WDR25: variants seen among roughly 807,000 people sequenced by gnomAD.
The protein encoded by WDR25 is WD repeat-containing protein 25.
In WDR25, 35 loss-of-function variants were observed where a neutral mutation model predicts 47.7. That is an observed-to-expected ratio of 0.73 (90% CI 0.56 to 0.97). The LOEUF (loss-of-function observed/expected upper bound fraction) is 0.97, where lower values mean the gene tolerates loss of function less well. Among genes scored for constraint, WDR25 ranks in the 50% least tolerant of loss-of-function variants. WDR25 has a pLI of 0.00. For synonymous variants in WDR25, 248 were observed against 278.9 expected (o/e 0.89, Z 1.10); for missense variants, 634 against 704.7 (o/e 0.90, Z 1.14).
At chr14:100,461,906 T>G (rs1045720764) in intron 2 of WDR25, among the ~76,000 whole-genome samples, 2 of 432 alleles carry the variant, frequency 4.6e-3, no homozygotes, top group Middle Eastern at 0.5. Flanking sequence ...ATTTTTCTGT[T>G]TTTTTTTGTT....
chr14:100,483,952 C>G, intron 3 of WDR25, 42 bp from the exon 4 acceptor site: 2 of 1,579,626 alleles, frequency 1.3e-6, no homozygotes, highest in South Asian at 2.4e-5. Flanking sequence ...TGTTTTGTGA[C>G]CTAAGTACTT....
intron 2 of WDR25, among the ~76,000 whole-genome samples, chr14:100,401,991 A>C (rs1229825601): frequency 6.6e-6 from 1 of 152,236 alleles, no homozygotes; most frequent in East Asian, 1.9e-4. Flanking sequence ...AAGTGCTGCA[A>C]AGCACTTTTG....
chr14:100,515,116 G>A (rs898165360), intron 4 of WDR25, among the ~76,000 whole-genome samples: 1 of 151,984 alleles, frequency 6.6e-6, no homozygotes, highest in Non-Finnish European at 1.5e-5. Flanking sequence ...TCTTTTCTCT[G>A]TCTGCTTTTT....
At position 100,449,982 on chromosome 14, in the gene WDR25, C is replaced by T. The variant is rs747471639; in HGVS notation, c.823-18039C>T. Among the ~76,000 whole-genome samples the T allele has an allele frequency of 2.6e-4, 40 of 152,202 alleles. No homozygotes were observed. The highest frequency in any genetic ancestry group is 2.6e-4 in the Non-Finnish European group (18 of 68,034). Reference sequence around the variant, plus strand: ...TCTTCTCTAAACTGGGCATTCAGTGCGTCCACAGTCCGGCGGCCCAGGCCT... The same window carrying T: ...TCTTCTCTAAACTGGGCATTCAGTGTGTCCACAGTCCGGCGGCCCAGGCCT... On this transcript the variant is annotated intron_variant, in intron 2 of 6. Transcript: ENST00000402312. This position sits in a 1 kb window ranked among gnomAD's most constrained non-coding sequence, Gnocchi z 4.2.
chr14:100,418,787 C>T (rs1897946711), intron 2 of WDR25, among the ~76,000 whole-genome samples: 1 of 152,052 alleles, frequency 6.6e-6, no homozygotes, highest in South Asian at 2.1e-4. Context: ...CCTACTCACG[C>T]CACACCTACT....
At chr14:100,400,404 A>G (rs1402585123) in intron 2 of WDR25, among the ~76,000 whole-genome samples, 2 of 152,224 alleles carry the variant, frequency 1.3e-5, no homozygotes, top group East Asian at 3.8e-4. Flanking sequence ...GGTTTGACTC[A>G]GGCCCAGCTT....
In WDR25 at chr14:100,411,554, C is replaced by T. The variant is rs558425846; in HGVS notation, c.822+29808C>T. Among the ~76,000 whole-genome samples, 16 of 143,288 alleles carry T rather than the reference C, an allele frequency of 1.1e-4. No individual in the cohort carries two copies. The South Asian group carries it at 1.1e-3, about 10-fold the overall frequency. The allele number at this position is 143,288 out of a possible 152,430, so 94.0% of individuals were successfully genotyped here. The stretch of plus-strand genomic sequence containing the variant: ...GCTTTTTGCTTTTTTTTTTTTTTCT[C>T]GAGATAGAGTCTTGCTCTGTCACCC... On this transcript the variant is annotated intron_variant, in intron 2 of 6. Coordinates refer to ENST00000402312, the MANE Select transcript of WDR25 (RefSeq NM_001161476.3).
intron 3 of WDR25, among the ~76,000 whole-genome samples, chr14:100,473,880 A>T (rs897540911): frequency 6.6e-6 from 1 of 152,154 alleles, no homozygotes; most frequent in Non-Finnish European, 1.5e-5. Context: ...GTAGCTTAGG[A>T]GGACTTGATT....
rs1898627928 is a variant in WDR25 at position 100,440,263 on chromosome 14, G to T, written c.823-27758G>T. ...GAGTGTTTTCCTCTTGGATGCGTTT[G>T]CACCTGGCAAATGAATGTGCAGGAA... On this transcript the variant is annotated intron_variant, in intron 2 of 6. Transcript: ENST00000402312. The surrounding 1 kb of genome is among the most constrained non-coding windows in gnomAD (Gnocchi z 4.4). Among the ~76,000 whole-genome samples the T allele has an allele frequency of 6.6e-6, 1 of 152,172 alleles. No individual in the cohort carries two copies.
In WDR25 at chr14:100,424,255, G is replaced by A. The variant is rs749286696; in HGVS notation, c.822+42509G>A. ...GGAGCTGAGTTTCAGAGCCTGTGGC[G>A]TTTTCACACCATGTTCTAGGTGCCA... On this transcript the variant is annotated intron_variant, in intron 2 of 6. Coordinates refer to ENST00000402312, the MANE Select transcript of WDR25 (RefSeq NM_001161476.3). The surrounding 1 kb of genome is among the most constrained non-coding windows in gnomAD (Gnocchi z 4.2). Among the ~76,000 whole-genome samples the A allele has an allele frequency of 1.3e-4, 20 of 152,214 alleles. No individual in the cohort carries two copies. The highest frequency in any genetic ancestry group is 1.3e-4 in the Admixed American group (2 of 15,278).
rs147626247 is a variant in WDR25, at chr14:100,529,982, G to A, written c.1576G>A (p.Val526Met). ...QACVGTTYHP[V>M]LPSVLATCSW... ...CTGTGTCGGCACCACCTATCACCCCGTGCTGCCCTCCGTCCTCGCCACCTG... is the reference window on the plus strand; with the variant it reads ...CTGTGTCGGCACCACCTATCACCCCATGCTGCCCTCCGTCCTCGCCACCTG... The change falls in exon 7 of 7, where the codon GTG (valine) becomes ATG (methionine). Residue 526 changes from valine (V) to methionine (M), a missense_variant. Physicochemically the swap from Val to Met is conservative, Grantham distance 21 (BLOSUM62 1). Transcript: ENST00000402312. This position sits in a 1 kb window ranked among gnomAD's most constrained non-coding sequence, Gnocchi z 5.1. 12 of 1,613,296 alleles carry A rather than the reference G, an allele frequency of 7.4e-6. No homozygotes were observed. The highest frequency in any genetic ancestry group is 5.3e-5 in the African/African-American group (4 of 74,930).
chr14:100,393,326 AAC>A, intron 2 of WDR25, among the ~76,000 whole-genome samples: 1 of 152,356 alleles, frequency 6.6e-6, no homozygotes, highest in Middle Eastern at 3.4e-3. Flanking sequence ...AAGGTACAAA[AAC>A]ACAAATTAAA....
rs1263221155 is a variant in WDR25, at chr14:100,440,328, G to A, written c.823-27693G>A. Among the ~76,000 whole-genome samples, 1 of 152,278 alleles carries A rather than the reference G, an allele frequency of 6.6e-6. No individual in the cohort carries two copies. The highest frequency in any genetic ancestry group is 1.5e-5 in the Non-Finnish European group (1 of 68,050). On this transcript the variant is annotated intron_variant, in intron 2 of 6. Transcript: ENST00000402312. This position sits in a 1 kb window ranked among gnomAD's most constrained non-coding sequence, Gnocchi z 4.4. ...AATAGCTACTCTCAAAATGCAGACAGGCAGCCACAGTCAGGGAGCCCTTCG... is the reference window on the plus strand; with the variant it reads ...AATAGCTACTCTCAAAATGCAGACAAGCAGCCACAGTCAGGGAGCCCTTCG...
chr14:100,426,178 A>C (rs1898162593), intron 2 of WDR25, among the ~76,000 whole-genome samples: 1 of 152,242 alleles, frequency 6.6e-6, no homozygotes, highest in African/African-American at 2.4e-5. Flanking sequence ...AGAATCCATC[A>C]CAAAATTATT....
intron 2 of WDR25, among the ~76,000 whole-genome samples, chr14:100,457,043 C>T (rs1012279155): frequency 2.7e-5 from 4 of 150,660 alleles, no homozygotes; most frequent in South Asian, 4.2e-4. Flanking sequence ...CTGCAACCTC[C>T]GCCTCCCAGA....
At position 100,430,223 on chromosome 14, in the gene WDR25, C is replaced by T. The variant is rs894823495; in HGVS notation, c.823-37798C>T. On this transcript the variant is annotated intron_variant, in intron 2 of 6. Coordinates refer to ENST00000402312, the MANE Select transcript of WDR25 (RefSeq NM_001161476.3). This position sits in a 1 kb window ranked among gnomAD's most constrained non-coding sequence, Gnocchi z 4.7. ...ACATCCTAAGCTTGGCCTGCTGGCT[C>T]TGGCTGGTATGTTGGGTATAGACTG... 1.1e-4 allele frequency among the ~76,000 whole-genome samples: 17 copies of T among 151,828 alleles called. No homozygotes were observed. In the South Asian group the frequency reaches 3.3e-3, roughly 30 times the overall value.
At chr14:100,453,086 C>A (rs1302415867) in intron 2 of WDR25, among the ~76,000 whole-genome samples, 1 of 152,044 alleles carries the variant, frequency 6.6e-6, no homozygotes, top group Non-Finnish European at 1.5e-5. Flanking sequence ...TAAAGGAGGA[C>A]CTCAGCACTT....
At chr14:100,478,611 A>G (rs898468307) in intron 3 of WDR25, among the ~76,000 whole-genome samples, 20 of 152,270 alleles carry the variant, frequency 1.3e-4, no homozygotes, top group African/African-American at 4.6e-4. Context: ...CCTAGTTATT[A>G]TAAGTACAAA....
rs1048831260 is a variant in WDR25, at chr14:100,510,284, T to A, written c.1102-15586T>A. On this transcript the variant is annotated intron_variant, in intron 4 of 6. Transcript: ENST00000402312. ...GACTCCATGTCAAAAAAAAAAAAAA[T>A]TAATTTTTAGAGACAAGGGTTTCAC... is the stretch of plus-strand genomic sequence containing the variant. Among the ~76,000 whole-genome samples the A allele has an allele frequency of 2.7e-5, 4 of 146,366 alleles. No homozygotes were observed. The East Asian group carries it at 6.0e-4, about 22-fold the overall frequency.
Sources: gnomAD v4.1 joint callset for allele counts (sites outside exome capture counted in the v4.1 genomes callset) on GRCh38, gnomAD v4.1.1 for gene constraint, Gnocchi (gnomAD v3.1) non-coding constraint, MANE v1.5 for transcripts, NCBI Gene and HGNC (gene_info 2026-07-23, HGNC 2026-07-21) for gene names.